The following POLR3B variants were observed in gnomAD, a reference collection of about 807,000 sequenced individuals.
POLR3B encodes the protein RNA polymerase III subunit B.
A neutral mutation model predicts 147.4 loss-of-function variants in POLR3B; 96 were observed. The observed-to-expected ratio is 0.65, with a 90% CI of 0.55 to 0.77. The LOEUF (loss-of-function observed/expected upper bound fraction) is 0.77. Ranked by LOEUF, POLR3B falls within the 30% of genes least tolerant of loss-of-function variation. POLR3B has a pLI of 0.00. For synonymous variants in POLR3B, 461 were observed against 485.9 expected, an observed-to-expected ratio of 0.95 and a Z score of 0.67; for missense variants, 1,036 against 1,413.5, an observed-to-expected ratio of 0.73 and a Z score of 4.28.
chr12:106,396,101 C>T (rs191087006), intron 10 of POLR3B, among the ~76,000 whole-genome samples: 7 of 152,210 alleles, frequency 4.6e-5, no homozygotes, highest in Admixed American at 1.3e-4. Flanking sequence ...CTAGCTGTAG[C>T]GGGGGATAGG....
intron 26 of POLR3B, among the ~76,000 whole-genome samples, chr12:106,503,293 C>T (rs2038631752): frequency 6.6e-6 from 1 of 152,154 alleles, no homozygotes. Context: ...TATGTGTTGG[C>T]ATACCCTGTG....
At chr12:106,457,657 A>G (rs1285653185) in intron 21 of POLR3B, among the ~76,000 whole-genome samples, 1 of 152,224 alleles carries the variant, frequency 6.6e-6, no homozygotes, top group Non-Finnish European at 1.5e-5. Context: ...CTGCAAAGGT[A>G]TGACTCCATT....
rs1459267775 is a variant in POLR3B at position 106,491,843 on chromosome 12, A to C, written c.2714-4212A>C. On this transcript the variant is annotated intron_variant, in intron 23 of 27. Transcript: ENST00000228347. ...GAAATGATTCTTTTTCTCTTTCCTCACTCAGAAAAGGAAGAGTAATAATAT... is the reference window on the plus strand; with the variant it reads ...GAAATGATTCTTTTTCTCTTTCCTCCCTCAGAAAAGGAAGAGTAATAATAT... 2.0e-5 allele frequency among the ~76,000 whole-genome samples: 3 copies of C among 152,150 alleles called. No individual in the cohort carries two copies. In the South Asian group the frequency reaches 6.2e-4, roughly 31 times the overall value.
chr12:106,415,097 C>G (rs1354671588), intron 12 of POLR3B, among the ~76,000 whole-genome samples: 1 of 152,180 alleles, frequency 6.6e-6, no homozygotes, highest in Non-Finnish European at 1.5e-5. Flanking sequence ...TAATTTACTT[C>G]CAGTGTAACT....
intron 26 of POLR3B, among the ~76,000 whole-genome samples, chr12:106,503,306 C>T (rs1046456938): frequency 5.3e-5 from 8 of 152,134 alleles, no homozygotes; most frequent in Non-Finnish European, 1.2e-4. Context: ...ACCCTGTGTT[C>T]ACCTTCTTAA....
chr12:106,501,895 T>G (rs2038607799), intron 26 of POLR3B, among the ~76,000 whole-genome samples: 1 of 152,228 alleles, frequency 6.6e-6, no homozygotes, highest in South Asian at 2.1e-4. Context: ...ACTTGCAGAC[T>G]TATTTGAGTA....
intron 10 of POLR3B, among the ~76,000 whole-genome samples, chr12:106,402,790 C>A (rs1310371831): frequency 2.0e-5 from 3 of 152,148 alleles, no homozygotes; most frequent in Non-Finnish European, 4.4e-5. Flanking sequence ...CTTCCTTACA[C>A]CTTATACAAA....
intron 18 of POLR3B, among the ~76,000 whole-genome samples, chr12:106,443,600 C>G (rs2037682033): frequency 6.6e-6 from 1 of 151,960 alleles, no homozygotes; most frequent in African/African-American, 2.4e-5. Flanking sequence ...TCACTGCAAC[C>G]TCCGTCTCCT....
At chr12:106,497,311 A>G (rs1356722552) in intron 25 of POLR3B, among the ~76,000 whole-genome samples, 2 of 151,744 alleles carry the variant, frequency 1.3e-5, no homozygotes, top group African/African-American at 4.8e-5. Flanking sequence ...AAGAAACTGG[A>G]TACAAGAAAA....
At chr12:106,494,955 G>T (rs1034895699) in intron 23 of POLR3B, among the ~76,000 whole-genome samples, 1 of 152,004 alleles carries the variant, frequency 6.6e-6, no homozygotes, top group Non-Finnish European at 1.5e-5. Context: ...ACAACAAATC[G>T]CAAACTATTG....
At chr12:106,369,434 A>G (rs998427181) in intron 5 of POLR3B, 84 bp downstream of exon 5, 1 of 970,540 alleles carries the variant, frequency 1.0e-6, no homozygotes, top group African/African-American at 1.6e-5. Context: ...AGATCATTTA[A>G]AAATGGGATG....
chr12:106,504,313 A>G lies in POLR3B; in HGVS notation c.3272+59A>G. The stretch of plus-strand genomic sequence containing the variant: ...CCCTTGCCTCTTAAATCACAGCTCA[A>G]GAATTGACCCTGGATCCTATCCGCA... On this transcript the variant is annotated intron_variant, in intron 27 of 27. Coordinates refer to ENST00000228347, the MANE Select transcript of POLR3B (RefSeq NM_018082.6). The surrounding 1 kb of genome is among the most constrained non-coding windows in gnomAD (Gnocchi z 4.6). The G allele has an allele frequency of 7.2e-7, 1 of 1,381,340 alleles. No individual in the cohort carries two copies. Among genetic ancestry groups the G allele is most frequent in the Non-Finnish European group, 1.0e-6 (1 of 967,602 alleles). The allele number at this position is 1,381,340 out of a possible 1,614,324, so 85.6% of individuals were successfully genotyped here.
At chr12:106,497,126 AAAAAAAAAAATTTTTTTTTTT>A (rs2038503297) in intron 25 of POLR3B, among the ~76,000 whole-genome samples, 1 of 110,550 alleles carries the variant, frequency 9.0e-6, no homozygotes, top group South Asian at 3.3e-4. Flanking sequence ...TTCATGATTT[AAAAAAAAAAATTTTTTTTTTT>A]TTAGCTCATC....
intron 25 of POLR3B, among the ~76,000 whole-genome samples, chr12:106,500,884 T>C (rs79750916): frequency 0.022 from 3,316 of 152,240 alleles, 115 homozygotes; most frequent in African/African-American, 0.075. Context: ...TGGGAAACCA[T>C]TGGTGAGTTC....
At chr12:106,389,605 T>G (rs1326735776) in intron 9 of POLR3B, among the ~76,000 whole-genome samples, 1 of 151,870 alleles carries the variant, frequency 6.6e-6, no homozygotes, top group African/African-American at 2.4e-5. Context: ...TTTCAGGTTT[T>G]TTTTTTTTAA....
At chr12:106,358,022 G>C (rs2036411960) in intron 1 of POLR3B, 71 bp downstream of exon 1, 3 of 1,583,678 alleles carry the variant, frequency 1.9e-6, no homozygotes, top group Admixed American at 1.8e-5. Flanking sequence ...CGGAGTGCTC[G>C]GGCCGCCAAG....
At chr12:106,386,407 T>C (rs1045981705) in intron 9 of POLR3B, among the ~76,000 whole-genome samples, 1 of 151,652 alleles carries the variant, frequency 6.6e-6, no homozygotes, top group African/African-American at 2.4e-5. Flanking sequence ...GAGGGCAGTA[T>C]GTTCCCATGC....
chr12:106,374,673 C>T (rs1402597590), intron 6 of POLR3B, among the ~76,000 whole-genome samples: 3 of 152,066 alleles, frequency 2.0e-5, no homozygotes, highest in African/African-American at 7.2e-5. Context: ...CGCCACCACG[C>T]CCAGCCAATA....
At chr12:106,430,235 G>T in intron 13 of POLR3B, 38 bp from the exon 14 acceptor site, 1 of 1,508,650 alleles carries the variant, frequency 6.6e-7, no homozygotes, top group Middle Eastern at 1.9e-4. Context: ...ACATAGGATT[G>T]GGTTAGGAAT....
Sources: gnomAD v4.1 joint callset for allele counts (sites outside exome capture counted in the v4.1 genomes callset) on GRCh38, gnomAD v4.1.1 for gene constraint, Gnocchi (gnomAD v3.1) non-coding constraint, MANE v1.5 for transcripts, NCBI Gene and HGNC (gene_info 2026-07-23, HGNC 2026-07-21) for gene names.